Variants in SHE observed in about 807,000 individuals in gnomAD.
SHE encodes SH2 domain-containing adapter protein E.
A neutral mutation model predicts 49.8 loss-of-function variants in SHE; 11 were observed. The ratio of observed to expected loss-of-function variants is 0.22; its 90% CI spans 0.14 to 0.37. SHE has a LOEUF of 0.37. Ranked by LOEUF, SHE falls within the 10% of genes least tolerant of loss-of-function variation. SHE has a pLI of 1.00. For synonymous variants in SHE, 310 were observed against 278.1 expected (o/e 1.11, Z -1.14); for missense variants, 624 against 655.5 (o/e 0.95, Z 0.52).
At position 154,480,903 on chromosome 1, in the gene SHE, G is replaced by A. The variant is rs572162784; in HGVS notation, c.*3246C>T. The A allele has an allele frequency of 6.8e-5, 67 of 985,318 alleles. No individual in the cohort carries two copies. The Admixed American group carries it at 3.8e-3, about 56-fold the overall frequency. 61.0% of individuals were successfully genotyped at this position (985,318 alleles called of 1,614,324 possible). A position where few individuals can be genotyped will look rare whatever the true frequency, so the allele number is the denominator to read the frequency against. ...AACCAACTGAACTTGTCCAGTCATC[G>A]CAAGCAAGTATTTTTTTTAAAGAAG... On this transcript the variant is annotated 3_prime_UTR_variant, in exon 6 of 6. Coordinates refer to ENST00000304760, the MANE Select transcript of SHE (RefSeq NM_001010846.3).
chr1:154,482,739 T>C lies in SHE; in HGVS notation c.*1410A>G, dbSNP rs1055533951. 2.0e-6 allele frequency: 2 copies of C among 985,304 alleles called. No individual in the cohort carries two copies. Among genetic ancestry groups the C allele is most frequent in the African/African-American group, 3.5e-5 (2 of 57,240 alleles). 61.0% of individuals were successfully genotyped at this position (985,304 alleles called of 1,614,324 possible). A position where few individuals can be genotyped will look rare whatever the true frequency, so the allele number is the denominator to read the frequency against. On this transcript the variant is annotated 3_prime_UTR_variant, in exon 6 of 6. Transcript: ENST00000304760. ...GGTGATATAAGCTCATGATAAATCA[T>C]AAAGATCCTAATACTATGAATCTTA...
chr1:154,476,770 T>C (rs1165398551), downstream of SHE, among the ~76,000 whole-genome samples: 1 of 152,246 alleles, frequency 6.6e-6, no homozygotes, highest in Admixed American at 6.5e-5. Flanking sequence ...TGCTGGTTGA[T>C]AGCTTGATCA....
chr1:154,497,700 G>C (rs1692575724), intron 2 of SHE, among the ~76,000 whole-genome samples: 1 of 151,208 alleles, frequency 6.6e-6, no homozygotes. Flanking sequence ...TTTTTTTTGA[G>C]ACAGAGTTTC....
At position 154,501,639 on chromosome 1, in the gene SHE, G is replaced by GTGCAAAAA; in HGVS notation, c.387_388insTTTTTGCA (p.Pro130PhefsTer75). On this transcript the variant is annotated frameshift_variant, in exon 1 of 6. Coordinates refer to ENST00000304760, the MANE Select transcript of SHE (RefSeq NM_001010846.3). LOFTEE classifies it high-confidence loss of function. ...GAGCTCTTGGTTGCACCCCGGTGGGGCTCCTCCTCCGTGGCCCGGGAGTTT... is the reference window on the plus strand; with the variant it reads ...GAGCTCTTGGTTGCACCCCGGTGGGGTGCAAAAACTCCTCCTCCGTGGCCCGGGAGTTT... The GTGCAAAAA allele has an allele frequency of 6.2e-7, 1 of 1,614,128 alleles. No homozygotes were observed. The highest frequency in any genetic ancestry group is 8.5e-7 in the Non-Finnish European group (1 of 1,180,016).
chr1:154,476,970 T>A (rs533086475), downstream of SHE, among the ~76,000 whole-genome samples: 2 of 152,362 alleles, frequency 1.3e-5, no homozygotes, highest in African/African-American at 4.8e-5. Context: ...GAAGTAATTC[T>A]GGTGCTACCT....
At chr1:154,477,150 C>G (rs905298625), downstream of SHE, among the ~76,000 whole-genome samples, 2 of 152,210 alleles carry the variant, frequency 1.3e-5, no homozygotes, top group Non-Finnish European at 2.9e-5. Flanking sequence ...CCAGACCCAG[C>G]AGAGGATTGT....
At chr1:154,470,061 G>A (rs1252794416) in exon 2 of SHE, 1 of 331,028 alleles carries the variant, frequency 3.0e-6, no homozygotes, top group South Asian at 2.4e-5. Context: ...ACTGAGAGGC[G>A]CCGCCTCTGG....
chr1:154,475,156 T>C (rs545788496), downstream of SHE, among the ~76,000 whole-genome samples: 2 of 152,236 alleles, frequency 1.3e-5, no homozygotes, highest in Admixed American at 6.5e-5. Context: ...GAGGCCGCCT[T>C]GGATGTCTAC....
In SHE at chr1:154,481,863, T is replaced by C; in HGVS notation, c.*2286A>G. 1 of 918,054 alleles carries C rather than the reference T, an allele frequency of 1.1e-6. No individual in the cohort carries two copies. Among genetic ancestry groups the C allele is most frequent in the Non-Finnish European group, 1.3e-6 (1 of 768,622 alleles). The allele number at this position is 918,054 out of a possible 1,614,324, so 56.9% of individuals were successfully genotyped here. A position where few individuals can be genotyped will look rare whatever the true frequency, so the allele number is the denominator to read the frequency against. On this transcript the variant is annotated 3_prime_UTR_variant, in exon 6 of 6. Coordinates refer to ENST00000304760, the MANE Select transcript of SHE (RefSeq NM_001010846.3). ...TCCTTTTGGTTTTTTGTTTGCTTGC[T>C]TGTTGAGACAGGGTCTCACTCTGTC...
rs751737504 is a variant in SHE, at chr1:154,485,986, G to A, written c.1258C>T (p.Arg420Ter). ...QPCKEAGYLVRNSESGNSRYS... is the reference protein window; with the variant it reads ...QPCKEAGYLV The stretch of plus-strand genomic sequence containing the variant: ...CTGCTGTTCCCTGACTCACTATTTC[G>A]AACCAGGTAACCAGCTTCTTTGCAG... The change falls in exon 5 of 6, where the codon CGA becomes TGA. Residue 420 changes from arginine (R) to a stop codon, truncating the protein, a stop_gained. Coordinates refer to ENST00000304760, the MANE Select transcript of SHE (RefSeq NM_001010846.3). LOFTEE classifies it high-confidence loss of function. The A allele has an allele frequency of 3.1e-6, 5 of 1,613,998 alleles. No individual in the cohort carries two copies. Among genetic ancestry groups the A allele is most frequent in the South Asian group, 1.1e-5 (1 of 91,072 alleles).
chr1:154,501,665 T>C lies in SHE; in HGVS notation c.362A>G (p.Lys121Arg), dbSNP rs758603177. The change falls in exon 1 of 6, where the codon AAA (lysine) becomes AGA (arginine). Residue 121 changes from lysine (K) to arginine (R), a missense_variant. Coordinates refer to ENST00000304760, the MANE Select transcript of SHE (RefSeq NM_001010846.3). ...CTCCTCCTCCGTGGCCCGGGAGTTT[T>C]TGCGGCCCTTGCCCGCGGCGGCCTG... is the stretch of plus-strand genomic sequence containing the variant. ...LIQAAAGKGRKNSRATEEEPH... is the reference protein window; with the variant it reads ...LIQAAAGKGRRNSRATEEEPH... 12 of 1,613,716 alleles carry C rather than the reference T, an allele frequency of 7.4e-6. No individual in the cohort carries two copies. Among genetic ancestry groups the C allele is most frequent in the African/African-American group, 5.3e-5 (4 of 74,930 alleles).
chr1:154,501,753 C>A lies in SHE; in HGVS notation c.274G>T (p.Gly92Cys). The change falls in exon 1 of 6, where the codon GGC (glycine) becomes TGC (cysteine). Residue 92 changes from glycine (G) to cysteine (C), a missense_variant. By Grantham distance (159) the Gly-to-Cys change is radical (BLOSUM62 -3). This residue lies in a region of SHE where 337 missense variants were observed against 306.0 expected (regional missense o/e 1.10). Coordinates refer to ENST00000304760, the MANE Select transcript of SHE (RefSeq NM_001010846.3). ...TCCTTGGGGCCGACGCCGGCCCTGC[C>A]GCTCCCCAGCTCGGCCGCCGAGTTC... ...RKNSAAELGS[G>C]RAGVGPKDSR... 1 of 1,572,690 alleles carries A rather than the reference C, an allele frequency of 6.4e-7. No individual in the cohort carries two copies. Among genetic ancestry groups the A allele is most frequent in the East Asian group, 2.4e-5 (1 of 42,522 alleles).
rs1306356983 is a variant in SHE, at chr1:154,483,713, C to T, written c.*436G>A. The stretch of plus-strand genomic sequence containing the variant: ...ATCACTTTAAGACCAAAGACTTGGC[C>T]GGGTGCAGTGGCTCATGCCTGTAAT... On this transcript the variant is annotated 3_prime_UTR_variant, in exon 6 of 6. Coordinates refer to ENST00000304760, the MANE Select transcript of SHE (RefSeq NM_001010846.3). The T allele has an allele frequency of 1.0e-5, 10 of 993,180 alleles. No homozygotes were observed. The highest frequency in any genetic ancestry group is 1.7e-5 in the African/African-American group (1 of 57,482). 61.5% of individuals were successfully genotyped at this position (993,180 alleles called of 1,614,324 possible).
At chr1:154,476,300 A>C (rs1000875176), downstream of SHE, among the ~76,000 whole-genome samples, 1 of 152,238 alleles carries the variant, frequency 6.6e-6, no homozygotes, top group Non-Finnish European at 1.5e-5. Context: ...GAGCCATGAT[A>C]ACACCATCGC....
In SHE at chr1:154,489,274, G is replaced by A. The variant is rs1313642417; in HGVS notation, c.801C>T (p.Gly267=). 1 of 1,614,210 alleles carries A rather than the reference G, an allele frequency of 6.2e-7. No individual in the cohort carries two copies. Among genetic ancestry groups the A allele is most frequent in the East Asian group, 2.2e-5 (1 of 44,882 alleles). ...TTTTGGCCAAGGTCTCTGATTTCAGGCCACCGTCTGCGGGTTCACAGGGAC... is the reference window on the plus strand; with the variant it reads ...TTTTGGCCAAGGTCTCTGATTTCAGACCACCGTCTGCGGGTTCACAGGGAC... ...LDSPCEPADG[G]LKSETLAKRR... The change falls in exon 3 of 6, where the codon GGC becomes GGT. Residue 267 remains glycine, a synonymous_variant. Transcript: ENST00000304760.
In SHE at chr1:154,482,773, T is replaced by C. The variant is rs144029367; in HGVS notation, c.*1376A>G. 17,394 of 985,336 alleles carry C rather than the reference T, an allele frequency of 0.018. 154 individuals are homozygous for C. Among genetic ancestry groups the C allele is most frequent in the Non-Finnish European group, 0.019 (15,856 of 829,870 alleles). The allele number at this position is 985,336 out of a possible 1,614,324, so 61.0% of individuals were successfully genotyped here. ...TAATACTATGAATCTTAAGTAATGG[T>C]ATTTAAGAGAAAACCTCTAGGTCTT... On this transcript the variant is annotated 3_prime_UTR_variant, in exon 6 of 6. Transcript: ENST00000304760.
intron 2 of SHE, among the ~76,000 whole-genome samples, chr1:154,490,187 G>A (rs988740794): frequency 6.6e-6 from 1 of 152,138 alleles, no homozygotes; most frequent in Non-Finnish European, 1.5e-5. Context: ...ACACATTCAC[G>A]AATAATATGT....
At chr1:154,470,633 A>C (rs1160495811) in intron 1 of SHE, among the ~76,000 whole-genome samples, 1 of 152,154 alleles carries the variant, frequency 6.6e-6, no homozygotes, top group Non-Finnish European at 1.5e-5. Context: ...TGAGGTCAGG[A>C]GTTCGAGACC....
chr1:154,472,570 A>ACC (rs1691770879), intron 1 of SHE, among the ~76,000 whole-genome samples: 1 of 152,136 alleles, frequency 6.6e-6, no homozygotes, highest in South Asian at 2.1e-4. Flanking sequence ...GCTTCAGTGG[A>ACC]TCCCTTCTGT....
Sources: allele counts gnomAD v4.1 joint callset (sites outside exome capture counted in the v4.1 genomes callset), GRCh38; gene constraint gnomAD v4.1.1; regional missense constraint gnomAD v4.1.1; transcripts MANE v1.5; gene names NCBI Gene and HGNC (gene_info 2026-07-23, HGNC 2026-07-21).